The following CFHR3 variants were observed in gnomAD, a reference collection of about 807,000 sequenced individuals.
The protein encoded by CFHR3 is complement factor H related 3, also known as complement factor H-related protein 3.
A neutral mutation model predicts 36.0 loss-of-function variants in CFHR3; 22 were observed. The observed-to-expected ratio is 0.61, with a 90% CI of 0.44 to 0.87. CFHR3 has a LOEUF of 0.87. Among genes scored for constraint, CFHR3 ranks in the 40% least tolerant of loss-of-function variants. The pLI, the probability that CFHR3 is intolerant of heterozygous loss-of-function variation, is 0.00. For synonymous variants in CFHR3, 97 were observed against 137.4 expected, an observed-to-expected ratio of 0.71 and a Z score of 2.06; for missense variants, 276 against 401.3, an observed-to-expected ratio of 0.69 and a Z score of 2.67.
chr1:196,776,688 T>G (rs1330715075), intron 1 of CFHR3, among the ~76,000 whole-genome samples: 1 of 137,096 alleles, frequency 7.3e-6, no homozygotes, highest in Non-Finnish European at 1.5e-5. Context: ...CTCAAACTAG[T>G]AGCCTCCAGA....
intron 3 of CFHR3, 129 bp downstream of exon 3, chr1:196,780,102 T>C: frequency 8.1e-7 from 1 of 1,230,132 alleles, no homozygotes; most frequent in Non-Finnish European, 1.1e-6. Flanking sequence ...CGGACCTATT[T>C]AGTTTTACTT....
In CFHR3 at chr1:196,794,813, C is replaced by G. The variant is rs1199159736; in HGVS notation, c.*1300C>G. On this transcript the variant is annotated 3_prime_UTR_variant, in exon 6 of 6. Transcript: ENST00000367425. Reference sequence around the variant, plus strand: ...CAGGGTAAGAAGAAAACAATGTTCCCTTTCCCAACACTTTTCCTGATTATA... The same window carrying G: ...CAGGGTAAGAAGAAAACAATGTTCCGTTTCCCAACACTTTTCCTGATTATA... The G allele has an allele frequency of 2.0e-5, 5 of 247,350 alleles. 2 individuals carry two copies. Among genetic ancestry groups the G allele is most frequent in the Non-Finnish European group, 3.1e-5 (4 of 130,980 alleles). 15.3% of individuals were successfully genotyped at this position (247,350 alleles called of 1,614,324 possible).
Position 196,786,421 on chromosome 1 carries a change from G to C in CFHR3, c.431-1795G>C, listed in dbSNP as rs568949366. Among the ~76,000 whole-genome samples, 5 of 135,876 alleles carry C rather than the reference G, an allele frequency of 3.7e-5. 1 individual carries two copies. In the East Asian group the frequency reaches 9.9e-4, roughly 27 times the overall value. 89.1% of individuals were successfully genotyped at this position (135,876 alleles called of 152,430 possible). ...TGCCCCCAGAGGTGGAGCCTACAGA[G>C]GCAGGCAGGCCTCCTTGAGCTGTGG... On this transcript the variant is annotated intron_variant, in intron 3 of 5. Transcript: ENST00000367425.
At chr1:196,780,225 G>A (rs1221819505) in intron 3 of CFHR3, among the ~76,000 whole-genome samples, 1 of 137,190 alleles carries the variant, frequency 7.3e-6, no homozygotes, top group East Asian at 1.9e-4. Flanking sequence ...AATACTTGTT[G>A]GCTAAATAAA....
chr1:196,784,178 T>C, intron 3 of CFHR3, among the ~76,000 whole-genome samples: 1 of 136,744 alleles, frequency 7.3e-6, no homozygotes, highest in East Asian at 1.9e-4. Flanking sequence ...CAGTTTGTTA[T>C]AATTTCTGTT....
Position 196,779,317 on chromosome 1 carries a change from TG to T in CFHR3, c.215del (p.Cys72SerfsTer80). ...PSGSYWDYIH[C>X]TQNGWSPAVP... ...AGGAAGTTACTGGGATTACATTCAT[TG>T]CACACAAAATGGGTGGTCACCAGCA... is the stretch of plus-strand genomic sequence containing the variant. On this transcript the variant is annotated frameshift_variant, in exon 2 of 6. Coordinates refer to ENST00000367425, the MANE Select transcript of CFHR3 (RefSeq NM_021023.6). LOFTEE classifies it high-confidence loss of function. The T allele has an allele frequency of 6.5e-7, 1 of 1,529,066 alleles. No individual in the cohort carries two copies. Among genetic ancestry groups the T allele is most frequent in the Non-Finnish European group, 8.9e-7 (1 of 1,129,840 alleles). The allele number at this position is 1,529,066 out of a possible 1,614,324, so 94.7% of individuals were successfully genotyped here.
At position 196,774,993 on chromosome 1, in the gene CFHR3, T is replaced by G. The variant is rs1364766420; in HGVS notation, c.58+49T>G. The G allele has an allele frequency of 5.9e-6, 8 of 1,347,720 alleles. 1 individual carries two copies. The highest frequency in any genetic ancestry group is 8.3e-6 in the Non-Finnish European group (8 of 968,158). 83.5% of individuals were successfully genotyped at this position (1,347,720 alleles called of 1,614,324 possible). On this transcript the variant is annotated intron_variant, in intron 1 of 5. Coordinates refer to ENST00000367425, the MANE Select transcript of CFHR3 (RefSeq NM_021023.6). Reference sequence around the variant, plus strand: ...CTCAGCTTCCCTCTTAAATGTAACTTCATGTAATATCTAGCTTTGTATGTC... The same window carrying G: ...CTCAGCTTCCCTCTTAAATGTAACTGCATGTAATATCTAGCTTTGTATGTC...
In CFHR3 at chr1:196,782,010, T is replaced by C. The variant is rs1653971731; in HGVS notation, c.430+2037T>C. The stretch of plus-strand genomic sequence containing the variant: ...TGTAAGGAAGGGATCCAGTTTCAGC[T>C]TTCTACATATGGCTAGCCTGTTTTC... On this transcript the variant is annotated intron_variant, in intron 3 of 5. Coordinates refer to ENST00000367425, the MANE Select transcript of CFHR3 (RefSeq NM_021023.6). Among the ~76,000 whole-genome samples the C allele has an allele frequency of 1.5e-5, 2 of 137,564 alleles. 1 individual carries two copies. The highest frequency in any genetic ancestry group is 6.1e-5 in the African/African-American group (2 of 33,024). The allele number at this position is 137,564 out of a possible 152,430, so 90.2% of individuals were successfully genotyped here.
In CFHR3 at chr1:196,794,617, T is replaced by C. The variant is rs1335605016; in HGVS notation, c.*1104T>C. On this transcript the variant is annotated 3_prime_UTR_variant, in exon 6 of 6. Transcript: ENST00000367425. ...ATTTCTTATTAAGTTTTGCTTCAGATTTTTTTTTGTCTTTTCTCCTGTTAA... is the reference window on the plus strand; with the variant it reads ...ATTTCTTATTAAGTTTTGCTTCAGACTTTTTTTTGTCTTTTCTCCTGTTAA... 2.7e-6 allele frequency: 1 copy of C among 365,506 alleles called. No individual in the cohort carries two copies. Among genetic ancestry groups the C allele is most frequent in the Admixed American group, 3.4e-5 (1 of 29,414 alleles). 22.6% of individuals were successfully genotyped at this position (365,506 alleles called of 1,614,324 possible). A position where few individuals can be genotyped will look rare whatever the true frequency, so the allele number is the denominator to read the frequency against.
At position 196,795,058 on chromosome 1, in the gene CFHR3, C is replaced by G. The variant is rs1450351420; in HGVS notation, c.*1545C>G. ...GTTTTATTAATTCCAGTGACTAATT[C>G]TACTTCATCAACATACATCATAAAT... On this transcript the variant is annotated 3_prime_UTR_variant, in exon 6 of 6. Coordinates refer to ENST00000367425, the MANE Select transcript of CFHR3 (RefSeq NM_021023.6). The G allele has an allele frequency of 1.5e-5, 2 of 136,348 alleles. No homozygotes were observed. Among genetic ancestry groups the G allele is most frequent in the African/African-American group, 6.2e-5 (2 of 32,408 alleles). The allele number at this position is 136,348 out of a possible 1,614,324, so 8.4% of individuals were successfully genotyped here. A position where few individuals can be genotyped will look rare whatever the true frequency, so the allele number is the denominator to read the frequency against.
At position 196,779,317 on chromosome 1, in the gene CFHR3, T is replaced by C. The variant is rs200784926; in HGVS notation, c.214T>C (p.Cys72Arg). 1 of 1,529,066 alleles carries C rather than the reference T, an allele frequency of 6.5e-7. No individual in the cohort carries two copies. The highest frequency in any genetic ancestry group is 8.9e-7 in the Non-Finnish European group (1 of 1,129,840). The allele number at this position is 1,529,066 out of a possible 1,614,324, so 94.7% of individuals were successfully genotyped here. A position where few individuals can be genotyped will look rare whatever the true frequency, so the allele number is the denominator to read the frequency against. Residue 72 changes from cysteine (C) to arginine (R), a missense_variant, in exon 2 of 6, where the codon TGC (cysteine) becomes CGC (arginine). Physicochemically the swap from Cys to Arg is radical, Grantham distance 180. This residue lies in a region of CFHR3 where 178 missense variants were observed against 247.2 expected (regional missense o/e 0.72). Transcript: ENST00000367425. ...PSGSYWDYIH[C>R]TQNGWSPAVP... ...AGGAAGTTACTGGGATTACATTCAT[T>C]GCACACAAAATGGGTGGTCACCAGC... is the stretch of plus-strand genomic sequence containing the variant.
At chr1:196,782,615 G>T (rs1259435354) in intron 3 of CFHR3, among the ~76,000 whole-genome samples, 1 of 136,420 alleles carries the variant, frequency 7.3e-6, no homozygotes, top group Non-Finnish European at 1.6e-5. Context: ...GTCTGTTATT[G>T]GTGTATAAGA....
intron 3 of CFHR3, among the ~76,000 whole-genome samples, chr1:196,785,490 G>GT (rs1288580172): frequency 7.4e-6 from 1 of 135,030 alleles, no homozygotes; most frequent in African/African-American, 3.2e-5. Flanking sequence ...TTTCTTGGAG[G>GT]TTTTGTTCAT....
Position 196,783,274 on chromosome 1 carries a change from T to A in CFHR3, c.430+3301T>A, listed in dbSNP as rs1282211772. Among the ~76,000 whole-genome samples the A allele has an allele frequency of 2.2e-5, 3 of 136,406 alleles. 1 individual carries two copies. Among genetic ancestry groups the A allele is most frequent in the African/African-American group, 9.3e-5 (3 of 32,388 alleles). The allele number at this position is 136,406 out of a possible 152,430, so 89.5% of individuals were successfully genotyped here. A position where few individuals can be genotyped will look rare whatever the true frequency, so the allele number is the denominator to read the frequency against. Reference sequence around the variant, plus strand: ...TTGGTCTAAAATTATCTTTTTTGGTTGTGTCTCTGCCTGGCTTTGGTATCA... The same window carrying A: ...TTGGTCTAAAATTATCTTTTTTGGTAGTGTCTCTGCCTGGCTTTGGTATCA... On this transcript the variant is annotated intron_variant, in intron 3 of 5. Coordinates refer to ENST00000367425, the MANE Select transcript of CFHR3 (RefSeq NM_021023.6).
At position 196,789,236 on chromosome 1, in the gene CFHR3, T is replaced by A. The variant is rs1375870059; in HGVS notation, c.614-809T>A. The A allele has an allele frequency of 2.4e-6, 2 of 823,486 alleles. 1 individual carries two copies. Among genetic ancestry groups the A allele is most frequent in the African/African-American group, 4.8e-5 (2 of 41,908 alleles). The allele number at this position is 823,486 out of a possible 1,614,324, so 51.0% of individuals were successfully genotyped here. On this transcript the variant is annotated intron_variant, in intron 4 of 5. Transcript: ENST00000367425. ...GGTACAATTCAACTATTTTTAGTCATGAGATAATATGGAACCTTGATACAT... is the reference window on the plus strand; with the variant it reads ...GGTACAATTCAACTATTTTTAGTCAAGAGATAATATGGAACCTTGATACAT...
At chr1:196,789,402 T>A (rs1654335436) in intron 4 of CFHR3, 1 of 897,036 alleles carries the variant, frequency 1.1e-6, no homozygotes, top group Admixed American at 5.6e-5. Context: ...TCAATTTCTA[T>A]ACTTATCAAG....
Position 196,789,365 on chromosome 1 carries a change from A to T in CFHR3, c.614-680A>T. Reference sequence around the variant, plus strand: ...TATCATGAGTTTTGGGGGTTATATGAATTCCTACATTTCTAGAATACTGTT... The same window carrying T: ...TATCATGAGTTTTGGGGGTTATATGTATTCCTACATTTCTAGAATACTGTT... On this transcript the variant is annotated intron_variant, in intron 4 of 5. Transcript: ENST00000367425. 2.2e-6 allele frequency: 2 copies of T among 904,024 alleles called. 1 individual carries two copies. The highest frequency in any genetic ancestry group is 2.6e-6 in the Non-Finnish European group (2 of 764,126). The allele number at this position is 904,024 out of a possible 1,614,324, so 56.0% of individuals were successfully genotyped here. A position where few individuals can be genotyped will look rare whatever the true frequency, so the allele number is the denominator to read the frequency against.
chr1:196,778,795 A>G lies in CFHR3; in HGVS notation c.59-367A>G, dbSNP rs537245519. On this transcript the variant is annotated intron_variant, in intron 1 of 5. Transcript: ENST00000367425. ...TGCACCCTGAACTGACAGCTTTAGC[A>G]TAACTTGGTATAGTTCTAGATAAGC... Among the ~76,000 whole-genome samples, 5 of 137,092 alleles carry G rather than the reference A, an allele frequency of 3.6e-5. 1 individual carries two copies. The highest frequency in any genetic ancestry group is 1.5e-4 in the African/African-American group (5 of 32,966). The allele number at this position is 137,092 out of a possible 152,430, so 89.9% of individuals were successfully genotyped here.
Position 196,779,919 on chromosome 1 carries a change from A to G in CFHR3, c.376A>G (p.Thr126Ala), listed in dbSNP as rs750261435. The G allele has an allele frequency of 3.3e-6, 5 of 1,533,478 alleles. 2 individuals carry two copies. The South Asian group carries it at 3.7e-5, about 11-fold the overall frequency. The allele number at this position is 1,533,478 out of a possible 1,614,324, so 95.0% of individuals were successfully genotyped here. The change falls in exon 3 of 6, where the codon ACA becomes GCA. Residue 126 changes from threonine to alanine, a missense_variant. By Grantham distance (58) the Thr-to-Ala change is moderately conservative. Transcript: ENST00000367425. ...CTACGGTCTTCCAAAAGCGCAGACC[A>G]CAGTTACATGTACGGAGAAAGGCTG... Reference protein sequence around the residue: ...PGYGLPKAQTTVTCTEKGWSP... With the variant: ...PGYGLPKAQTAVTCTEKGWSP...
Sources: gnomAD v4.1 joint callset for allele counts (sites outside exome capture counted in the v4.1 genomes callset) on GRCh38, gnomAD v4.1.1 for gene constraint, gnomAD v4.1.1 regional missense constraint, MANE v1.5 for transcripts, NCBI Gene and HGNC (gene_info 2026-07-23, HGNC 2026-07-21) for gene names.